The following DIS3L2 variants were observed in gnomAD, a reference collection of about 807,000 sequenced individuals.
DIS3L2 encodes the protein DIS3-like exonuclease 2.
A neutral mutation model predicts 97.5 loss-of-function variants in DIS3L2; 34 were observed. The ratio of observed to expected loss-of-function variants is 0.35; its 90% CI spans 0.27 to 0.46. The LOEUF (loss-of-function observed/expected upper bound fraction) is 0.46. Among genes scored for constraint, DIS3L2 ranks in the 20% least tolerant of loss-of-function variants. The pLI is 1.00. For missense variants in DIS3L2, 1,038 were observed against 1,146.0 expected (o/e 0.91, Z 1.36); for synonymous variants, 435 against 445.2 (o/e 0.98, Z 0.29).
rs544406912 is a variant in DIS3L2, at chr2:232,219,384, A to G, written c.1204+8979A>G. On this transcript the variant is annotated intron_variant, in intron 10 of 20. Coordinates refer to ENST00000325385, the MANE Select transcript of DIS3L2 (RefSeq NM_152383.5). ...CAGATCTAGCCAGGCAACCTATTGC[A>G]TACCTTCAGTGTTTCACTCCTTTTT... Among the ~76,000 whole-genome samples, 12 of 152,314 alleles carry G rather than the reference A, an allele frequency of 7.9e-5. No homozygotes were observed. The South Asian group carries it at 2.5e-3, about 32-fold the overall frequency.
intron 13 of DIS3L2, among the ~76,000 whole-genome samples, chr2:232,291,921 T>C (rs1333508428): frequency 6.6e-6 from 1 of 152,222 alleles, no homozygotes; most frequent in Non-Finnish European, 1.5e-5. Flanking sequence ...CCAGGACTTT[T>C]CCAAAGCCTC....
chr2:232,302,959 C>G (rs1032182206), intron 14 of DIS3L2, among the ~76,000 whole-genome samples: 1 of 152,158 alleles, frequency 6.6e-6, no homozygotes, highest in East Asian at 1.9e-4. Flanking sequence ...AATAATACCT[C>G]TCTGGCAGGG....
downstream of DIS3L2, among the ~76,000 whole-genome samples, chr2:232,338,173 C>T (rs2106359319): frequency 6.6e-6 from 1 of 152,232 alleles, no homozygotes; most frequent in South Asian, 2.1e-4. Context: ...GGCCCTTCCC[C>T]TCCCCTCCAT....
rs530760703 is a variant in DIS3L2, at chr2:232,251,492, C to T, written c.1425+2146C>T. On this transcript the variant is annotated intron_variant, in intron 12 of 20. Transcript: ENST00000325385. ...TAGTCCAAGATATACAATATCTGTT[C>T]AATGACCGTTCCAGAAATAGAGAAC... Among the ~76,000 whole-genome samples, 149 of 152,254 alleles carry T rather than the reference C, an allele frequency of 9.8e-4. No homozygotes were observed. The South Asian group carries it at 0.031, about 31-fold the overall frequency.
Position 232,163,570 on chromosome 2 carries a change from T to C in DIS3L2, c.1062T>C (p.Cys354=), listed in dbSNP as rs1352826263. 6.2e-7 allele frequency: 1 copy of C among 1,614,138 alleles called. No homozygotes were observed. Among genetic ancestry groups the C allele is most frequent in the African/African-American group, 1.3e-5 (1 of 75,046 alleles). The part of the protein sequence containing the change: ...FSDFSSEVLE[C]LPQGLPWTIP... Reference sequence around the variant, plus strand: ...ATTTCTCTTCAGAAGTTCTAGAATGTCTTCCTCAAGGCCTGCCATGGACAA... The same window carrying C: ...ATTTCTCTTCAGAAGTTCTAGAATGCCTTCCTCAAGGCCTGCCATGGACAA... The change falls in exon 9 of 21, where the codon TGT becomes TGC. Residue 354 remains cysteine (C), a synonymous_variant. Coordinates refer to ENST00000325385, the MANE Select transcript of DIS3L2 (RefSeq NM_152383.5).
intron 9 of DIS3L2, among the ~76,000 whole-genome samples, chr2:232,171,105 T>C (rs1690976644): frequency 6.6e-6 from 1 of 152,138 alleles, no homozygotes; most frequent in African/African-American, 2.4e-5. Context: ...GCTAGGTGAT[T>C]TTAGGCAAAC....
At chr2:232,020,385 AGATGGAGAGGAGTG>A (rs1694480564) in intron 3 of DIS3L2, among the ~76,000 whole-genome samples, 1 of 152,186 alleles carries the variant, frequency 6.6e-6, no homozygotes, top group African/African-American at 2.4e-5. Flanking sequence ...GTGGCAGTAA[AGATGGAGAGGAGTG>A]GATGGATGGA....
intron 9 of DIS3L2, among the ~76,000 whole-genome samples, chr2:232,191,838 G>A (rs1375333735): frequency 6.6e-6 from 1 of 152,188 alleles, no homozygotes; most frequent in African/African-American, 2.4e-5. Context: ...TTAAATGTGT[G>A]TTCAGTTATC....
intron 8 of DIS3L2, among the ~76,000 whole-genome samples, chr2:232,138,195 A>AT (rs1233167032): frequency 6.6e-6 from 1 of 151,500 alleles, no homozygotes; most frequent in Non-Finnish European, 1.5e-5. Flanking sequence ...TTTAATTTTT[A>AT]TTTTTTTTAT....
chr2:232,066,641 G>A (rs185178631), intron 5 of DIS3L2, among the ~76,000 whole-genome samples: 112 of 151,972 alleles, frequency 7.4e-4, no homozygotes, highest in African/African-American at 2.6e-3. Context: ...TGATAGGGTT[G>A]GTATTTCCTT....
intron 9 of DIS3L2, among the ~76,000 whole-genome samples, chr2:232,182,173 AGATTTCT>A (rs1164360049): frequency 7.2e-5 from 11 of 152,062 alleles, no homozygotes; most frequent in Middle Eastern, 6.3e-3. Flanking sequence ...ATTTCCTTTG[AGATTTCT>A]TCTTTGACGT....
chr2:231,986,943 A>T (rs1325572338), intron 1 of DIS3L2, among the ~76,000 whole-genome samples: 1 of 152,230 alleles, frequency 6.6e-6, no homozygotes, highest in South Asian at 2.1e-4. Flanking sequence ...ATGACTTCAG[A>T]TATTTCATCT....
At chr2:231,962,359 A>G (rs752308377) in intron 1 of DIS3L2, among the ~76,000 whole-genome samples, 4 of 151,862 alleles carry the variant, frequency 2.6e-5, no homozygotes, top group Non-Finnish European at 5.9e-5. Flanking sequence ...TATTGAGCAT[A>G]GAACCCAGTA....
chr2:232,066,146 T>C (rs1695850451), intron 5 of DIS3L2, among the ~76,000 whole-genome samples: 1 of 151,950 alleles, frequency 6.6e-6, no homozygotes, highest in Non-Finnish European at 1.5e-5. Flanking sequence ...CTTTTAGTTT[T>C]TTCATGCTTT....
chr2:232,160,986 C>T (rs189348897), intron 8 of DIS3L2, among the ~76,000 whole-genome samples: 2 of 152,120 alleles, frequency 1.3e-5, no homozygotes, highest in Non-Finnish European at 2.9e-5. Context: ...GGCGTGATCT[C>T]GGCTCACCGC....
chr2:232,111,166 A>G (rs180682879), intron 6 of DIS3L2: 5 of 460,992 alleles, frequency 1.1e-5, no homozygotes, highest in East Asian at 1.4e-4. Context: ...TTTAGAAACA[A>G]CTGATATAGT....
At chr2:232,086,239 A>ATATACACACGTATAGACGTGTATACGTG (rs1696584873) in intron 5 of DIS3L2, among the ~76,000 whole-genome samples, 4 of 144,028 alleles carry the variant, frequency 2.8e-5, no homozygotes, top group African/African-American at 8.3e-5. Context: ...GTGTATACGT[A>ATATACACACGTATAGACGTGTATACGTG]TATATACACA....
At chr2:232,120,548 G>T (rs1256285542) in intron 6 of DIS3L2, among the ~76,000 whole-genome samples, 5 of 152,138 alleles carry the variant, frequency 3.3e-5, no homozygotes, top group Admixed American at 6.5e-5. Flanking sequence ...GCTACCAATG[G>T]TTAGTTTGAA....
intron 1 of DIS3L2, among the ~76,000 whole-genome samples, chr2:231,986,582 C>A (rs2106185451): frequency 6.6e-6 from 1 of 152,270 alleles, no homozygotes; most frequent in African/African-American, 2.4e-5. Context: ...GTGACATTGG[C>A]ATTTTTGAAG....
Sources: gnomAD v4.1 joint callset for allele counts (sites outside exome capture counted in the v4.1 genomes callset) on GRCh38, gnomAD v4.1.1 for gene constraint, MANE v1.5 for transcripts, NCBI Gene and HGNC (gene_info 2026-07-23, HGNC 2026-07-21) for gene names.